TRAPPC9: variants seen among roughly 807,000 people sequenced by gnomAD.
The protein encoded by TRAPPC9 is IKK2 binding protein.
A neutral mutation model predicts 124.0 loss-of-function variants in TRAPPC9; 83 were observed. That is an observed-to-expected ratio of 0.67 (90% CI 0.56 to 0.80). TRAPPC9 has a LOEUF of 0.80. TRAPPC9 is among the 30% of genes least tolerant of loss of function. The pLI is 0.00. For synonymous variants in TRAPPC9, 638 were observed against 617.5 expected, an observed-to-expected ratio of 1.03 and a Z score of -0.49; for missense variants, 1,302 against 1,508.3, an observed-to-expected ratio of 0.86 and a Z score of 2.27.
intron 19 of TRAPPC9, among the ~76,000 whole-genome samples, chr8:139,987,816 C>T (rs957868662): frequency 5.3e-5 from 8 of 152,168 alleles, no homozygotes; most frequent in African/African-American, 1.7e-4. Context: ...AGCATCACCC[C>T]GGAGTCACTG....
At chr8:139,924,398 C>A (rs1391561472) in intron 19 of TRAPPC9, among the ~76,000 whole-genome samples, 2 of 152,196 alleles carry the variant, frequency 1.3e-5, no homozygotes, top group Non-Finnish European at 2.9e-5. Context: ...GCAGAGGTCA[C>A]AGAAAATGCC....
At chr8:139,885,799 A>AC (rs1829969552) in intron 21 of TRAPPC9, 80 bp downstream of exon 21, 4 of 1,392,006 alleles carry the variant, frequency 2.9e-6, no homozygotes, top group East Asian at 5.0e-5. Context: ...GCCCAGCCAC[A>AC]CCCCCCAAGA....
At chr8:140,008,243 G>C (rs1487331240) in intron 18 of TRAPPC9, among the ~76,000 whole-genome samples, 2 of 152,222 alleles carry the variant, frequency 1.3e-5, no homozygotes, top group African/African-American at 4.8e-5. Flanking sequence ...GCAATTTCAG[G>C]GCAGGGTGCT....
At chr8:140,366,669 G>A (rs533491526) in intron 8 of TRAPPC9, among the ~76,000 whole-genome samples, 1 of 152,308 alleles carries the variant, frequency 6.6e-6, no homozygotes, top group South Asian at 2.1e-4. Flanking sequence ...GTATACTAAT[G>A]TTATATCTTT....
rs1331349884 is a variant in TRAPPC9 at position 139,730,232 on chromosome 8, C to G, written c.*829G>C. On this transcript the variant is annotated 3_prime_UTR_variant, in exon 23 of 23. Transcript: ENST00000438773. ...TATGTGAGATCTCTAACTCAGAACC[C>G]GTCCCTTCCTGGGTCCGGCTTCTGC... The G allele has an allele frequency of 6.6e-6, 1 of 152,274 alleles. No individual in the cohort carries two copies. The highest frequency in any genetic ancestry group is 6.5e-5 in the Admixed American group (1 of 15,286). The allele number at this position is 152,274 out of a possible 1,614,324, so 9.4% of individuals were successfully genotyped here.
chr8:140,122,993 T>G (rs2061016136), intron 17 of TRAPPC9, among the ~76,000 whole-genome samples: 1 of 152,240 alleles, frequency 6.6e-6, no homozygotes, highest in African/African-American at 2.4e-5. Context: ...TATACATTTT[T>G]ATTTTTATTT....
chr8:140,104,067 C>T lies in TRAPPC9; in HGVS notation c.2557-79988G>A, dbSNP rs2060625118. On this transcript the variant is annotated intron_variant, in intron 17 of 22. Coordinates refer to ENST00000438773, the MANE Select transcript of TRAPPC9 (RefSeq NM_001160372.4). The surrounding 1 kb of genome is among the most constrained non-coding windows in gnomAD (Gnocchi z 4.0). ...TTTGCTTCCTATGTTTATTCATTCA[C>T]TCAGCAGTTACTTAGCACTTATCCT... Among the ~76,000 whole-genome samples, 1 of 152,228 alleles carries T rather than the reference C, an allele frequency of 6.6e-6. No individual in the cohort carries two copies. Among genetic ancestry groups the T allele is most frequent in the African/African-American group, 2.4e-5 (1 of 41,464 alleles).
In TRAPPC9 at chr8:139,884,841, C is replaced by T. The variant is rs1025777075; in HGVS notation, c.3055+1038G>A. 9.2e-5 allele frequency among the ~76,000 whole-genome samples: 14 copies of T among 152,338 alleles called. No homozygotes were observed. The East Asian group carries it at 1.4e-3, about 15-fold the overall frequency. On this transcript the variant is annotated intron_variant, in intron 21 of 22. Transcript: ENST00000438773. ...CGAGTGTAAAATGGAAACCCATAGC[C>T]GCCATGACGGTGCCCACCTGGTCCC...
chr8:139,950,055 A>G (rs1834537328), intron 19 of TRAPPC9, among the ~76,000 whole-genome samples: 2 of 152,220 alleles, frequency 1.3e-5, no homozygotes, highest in African/African-American at 4.8e-5. Flanking sequence ...AAAATCATTC[A>G]AGGTAGCACG....
rs1588350380 is a variant in TRAPPC9, at chr8:140,435,376, A to G, written c.731-136T>C. The G allele has an allele frequency of 3.1e-6, 4 of 1,277,092 alleles. No homozygotes were observed. In the East Asian group the frequency reaches 1.0e-4, roughly 32 times the overall value. The allele number at this position is 1,277,092 out of a possible 1,614,324, so 79.1% of individuals were successfully genotyped here. A position where few individuals can be genotyped will look rare whatever the true frequency, so the allele number is the denominator to read the frequency against. On this transcript the variant is annotated intron_variant, in intron 3 of 22. Transcript: ENST00000438773. ...ATTTAAACAGGTGGATTATTTGGAA[A>G]TGCCAATTTTTCTCCCAAAACAAAG...
At chr8:139,979,874 C>G (rs7838442) in intron 19 of TRAPPC9, among the ~76,000 whole-genome samples, 1 of 151,506 alleles carries the variant, frequency 6.6e-6, no homozygotes, top group African/African-American at 2.4e-5. Flanking sequence ...GGGCAAGTGA[C>G]GCCCTGACTC....
chr8:139,925,459 C>T (rs1003994473), intron 19 of TRAPPC9, among the ~76,000 whole-genome samples: 1 of 152,092 alleles, frequency 6.6e-6, no homozygotes, highest in African/African-American at 2.4e-5. Flanking sequence ...CAGTACAAAG[C>T]TGTAAAGGCC....
chr8:140,423,375 G>A (rs1347425756), intron 5 of TRAPPC9, among the ~76,000 whole-genome samples: 1 of 152,056 alleles, frequency 6.6e-6, no homozygotes, highest in Non-Finnish European at 1.5e-5. Flanking sequence ...AGGAGGCGGA[G>A]GTTGCAGTGA....
At chr8:139,950,802 C>T (rs770812474) in intron 19 of TRAPPC9, among the ~76,000 whole-genome samples, 11 of 152,216 alleles carry the variant, frequency 7.2e-5, no homozygotes, top group African/African-American at 2.2e-4. Context: ...GCAGAAAAAA[C>T]GGACTGATGT....
chr8:140,363,745 G>A (rs112022469), intron 8 of TRAPPC9, among the ~76,000 whole-genome samples: 3,528 of 151,790 alleles, frequency 0.023, 57 homozygotes, highest in South Asian at 0.068. Flanking sequence ...TTACAGGCAC[G>A]TACCACCATG....
chr8:140,407,353 T>G (rs971324882), intron 5 of TRAPPC9, among the ~76,000 whole-genome samples: 1 of 152,150 alleles, frequency 6.6e-6, no homozygotes, highest in African/African-American at 2.4e-5. Context: ...CTTGATTTAT[T>G]TCATTAGCTA....
chr8:139,873,469 C>G (rs546326676), intron 21 of TRAPPC9, among the ~76,000 whole-genome samples: 2 of 152,204 alleles, frequency 1.3e-5, no homozygotes, highest in South Asian at 4.2e-4. Flanking sequence ...GAGTGAGTGC[C>G]GGGGGTAAGC....
At chr8:140,264,398 T>C (rs1441145484) in intron 15 of TRAPPC9, among the ~76,000 whole-genome samples, 1 of 152,206 alleles carries the variant, frequency 6.6e-6, no homozygotes, top group Non-Finnish European at 1.5e-5. Flanking sequence ...CCATGTGTTA[T>C]GAGCAGGCCT....
intron 9 of TRAPPC9, among the ~76,000 whole-genome samples, chr8:140,342,033 G>A (rs370625283): frequency 2.3e-4 from 35 of 152,336 alleles, no homozygotes; most frequent in African/African-American, 6.0e-4. Context: ...AAGAAAGGGC[G>A]GATCTGGAAG....
Sources: allele counts gnomAD v4.1 joint callset (sites outside exome capture counted in the v4.1 genomes callset), GRCh38; gene constraint gnomAD v4.1.1; non-coding constraint Gnocchi (gnomAD v3.1); transcripts MANE v1.5; gene names NCBI Gene and HGNC (gene_info 2026-07-23, HGNC 2026-07-21).